Variants in SEZ6L observed in about 807,000 individuals in gnomAD.
SEZ6L encodes the protein seizure related 6 homolog like.
Under a neutral mutation model 106.2 loss-of-function variants are expected in SEZ6L, and 37 were observed. The observed-to-expected ratio is 0.35, with a 90% CI of 0.27 to 0.46. The LOEUF is 0.46. Ranked by LOEUF, SEZ6L falls within the 20% of genes least tolerant of loss-of-function variation. The probability of loss-of-function intolerance (pLI) is 1.00; values close to 1 mark genes in which losing one functional copy is unlikely to be tolerated. For missense variants in SEZ6L, 1,172 were observed against 1,332.8 expected, an observed-to-expected ratio of 0.88 and a Z score of 1.88; for synonymous variants, 541 against 570.4, an observed-to-expected ratio of 0.95 and a Z score of 0.73.
intron 16 of SEZ6L, among the ~76,000 whole-genome samples, chr22:26,379,591 G>A (rs2084347673): frequency 6.6e-6 from 1 of 152,168 alleles, no homozygotes; most frequent in Non-Finnish European, 1.5e-5. Flanking sequence ...CCTTGTCCCT[G>A]GAGCTTGGAA....
Position 26,184,272 on chromosome 22 carries a change from G to A in SEZ6L, c.94+14509G>A, listed in dbSNP as rs191391015. 2.4e-3 allele frequency among the ~76,000 whole-genome samples: 362 copies of A among 152,208 alleles called. 1 individual carries two copies. The highest frequency in any genetic ancestry group is 3.1e-3 in the Non-Finnish European group (209 of 68,014). ...TCCCCCAAGTCAGGCTGTCTTCACT[G>A]GTTCCCTCTACCCCAGTGTCTAGTA... On this transcript the variant is annotated intron_variant, in intron 1 of 16. Coordinates refer to ENST00000248933, the MANE Select transcript of SEZ6L (RefSeq NM_021115.5).
At chr22:26,319,298 C>G (rs1601488155) in intron 9 of SEZ6L, among the ~76,000 whole-genome samples, 1 of 152,222 alleles carries the variant, frequency 6.6e-6, no homozygotes, top group East Asian at 1.9e-4. Flanking sequence ...TTTGAGATAT[C>G]CTTGTTCCCA....
chr22:26,265,347 G>A (rs763959130), intron 1 of SEZ6L, among the ~76,000 whole-genome samples: 6 of 152,196 alleles, frequency 3.9e-5, no homozygotes, highest in East Asian at 1.9e-4. Context: ...CCTCCCGCAC[G>A]CAAGTTCTGA....
At chr22:26,300,289 T>C (rs957342421) in intron 5 of SEZ6L, among the ~76,000 whole-genome samples, 4 of 152,220 alleles carry the variant, frequency 2.6e-5, no homozygotes, top group African/African-American at 9.7e-5. Context: ...TATCTCCTGA[T>C]GCTATCCCTC....
At chr22:26,227,540 T>TG (rs1181299276) in intron 1 of SEZ6L, among the ~76,000 whole-genome samples, 17 of 151,892 alleles carry the variant, frequency 1.1e-4, no homozygotes, top group Non-Finnish European at 2.4e-4. Context: ...TCTGAGTAGC[T>TG]GGGGGGCTAC....
chr22:26,211,804 TAAAAAAAAAAAA>T (rs56124325), intron 1 of SEZ6L, among the ~76,000 whole-genome samples: 2 of 48,090 alleles, frequency 4.2e-5, no homozygotes, highest in Non-Finnish European at 7.4e-5. Flanking sequence ...ACCTCGTCTC[TAAAAAAAAAAAA>T]AAAAAAAAAA....
In SEZ6L at chr22:26,304,253, G is replaced by A. The variant is rs145728609; in HGVS notation, c.1349-1726G>A. On this transcript the variant is annotated intron_variant, in intron 5 of 16. Coordinates refer to ENST00000248933, the MANE Select transcript of SEZ6L (RefSeq NM_021115.5). Reference sequence around the variant, plus strand: ...TGTAATCCCAGCTACTCAGGAGGCTGAGGCAGGAGAATCACTTGAACCTGG... The same window carrying A: ...TGTAATCCCAGCTACTCAGGAGGCTAAGGCAGGAGAATCACTTGAACCTGG... 3.1e-3 allele frequency among the ~76,000 whole-genome samples: 478 copies of A among 152,058 alleles called. 2 individuals are homozygous for A. The highest frequency in any genetic ancestry group is 0.025 in the East Asian group (129 of 5,166).
chr22:26,361,376 G>A (rs1417348952), intron 12 of SEZ6L, among the ~76,000 whole-genome samples: 4 of 149,562 alleles, frequency 2.7e-5, no homozygotes, highest in Admixed American at 6.7e-5. Flanking sequence ...GCTTGGTGGC[G>A]CATGCCTGTG....
intron 1 of SEZ6L, among the ~76,000 whole-genome samples, chr22:26,211,695 T>C (rs1480660597): frequency 6.7e-6 from 1 of 149,356 alleles, no homozygotes; most frequent in Non-Finnish European, 1.5e-5. Flanking sequence ...TGTAGCCAGG[T>C]GTGGTGGCTC....
At position 26,310,783 on chromosome 22, in the gene SEZ6L, A is replaced by G; in HGVS notation, c.1628A>G (p.Glu543Gly). Residue 543 changes from glutamate (E) to glycine (G), a missense_variant, in exon 7 of 17, where the codon GAG (glutamate) becomes GGG (glycine). Physicochemically the swap from Glu to Gly is moderately conservative, Grantham distance 98. Coordinates refer to ENST00000248933, the MANE Select transcript of SEZ6L (RefSeq NM_021115.5). ...AGCGAAGGCAACACCATCCGCATCGAGTTCACGTCCGACCAGGCCCGGGCG... is the reference window on the plus strand; with the variant it reads ...AGCGAAGGCAACACCATCCGCATCGGGTTCACGTCCGACCAGGCCCGGGCG... ...LLSEGNTIRI[E>G]FTSDQARAAS... 6.2e-7 allele frequency: 1 copy of G among 1,614,034 alleles called. No homozygotes were observed. The highest frequency in any genetic ancestry group is 8.5e-7 in the Non-Finnish European group (1 of 1,179,992).
chr22:26,200,386 A>G (rs1940854496), intron 1 of SEZ6L, among the ~76,000 whole-genome samples: 2 of 152,224 alleles, frequency 1.3e-5, no homozygotes, highest in South Asian at 4.2e-4. Flanking sequence ...TGGTTGGTGC[A>G]AGAGACACCG....
At chr22:26,262,031 G>C (rs1402896806) in intron 1 of SEZ6L, among the ~76,000 whole-genome samples, 1 of 151,986 alleles carries the variant, frequency 6.6e-6, no homozygotes, top group Admixed American at 6.6e-5. Context: ...AGCCCTAGTG[G>C]GTCTTGAAAG....
Position 26,293,030 on chromosome 22 carries a change from T to C in SEZ6L, c.719T>C (p.Met240Thr), listed in dbSNP as rs761454567. ...QEAPQEDTSPMALMDKGENEL... is the reference protein window; with the variant it reads ...QEAPQEDTSPTALMDKGENEL... Reference sequence around the variant, plus strand: ...GCCCCCCAGGAGGACACCAGCCCCATGGCCCTGATGGACAAAGGTGAGAAT... The same window carrying C: ...GCCCCCCAGGAGGACACCAGCCCCACGGCCCTGATGGACAAAGGTGAGAAT... The change falls in exon 2 of 17, where the codon ATG becomes ACG. Residue 240 changes from methionine to threonine, a missense_variant. Around this residue, in one of 4 missense-constraint regions of SEZ6L, gnomAD observed 494 missense variants for 445.8 expected, o/e 1.11. Coordinates refer to ENST00000248933, the MANE Select transcript of SEZ6L (RefSeq NM_021115.5). The C allele has an allele frequency of 5.0e-6, 8 of 1,613,950 alleles. No individual in the cohort carries two copies. The highest frequency in any genetic ancestry group is 4.4e-5 in the South Asian group (4 of 91,070).
At chr22:26,343,202 G>T (rs2082899348) in intron 10 of SEZ6L, among the ~76,000 whole-genome samples, 1 of 151,842 alleles carries the variant, frequency 6.6e-6, no homozygotes, top group Non-Finnish European at 1.5e-5. Context: ...TGGTCTCCTG[G>T]CTCCTGTCTC....
intron 16 of SEZ6L, among the ~76,000 whole-genome samples, chr22:26,378,178 A>T (rs2084294507): frequency 6.6e-6 from 1 of 152,232 alleles, no homozygotes. Flanking sequence ...CTAGGAACAT[A>T]GTCATGAACC....
In SEZ6L at chr22:26,294,284, C is replaced by T; in HGVS notation, c.836-8C>T. 6.2e-7 allele frequency: 1 copy of T among 1,613,652 alleles called. No homozygotes were observed. ...CTTTGGTGTCCTAATTAAAGTCCTTCCTTCCAGCTCTCTGCAGTGTGAGCT... is the reference window on the plus strand; with the variant it reads ...CTTTGGTGTCCTAATTAAAGTCCTTTCTTCCAGCTCTCTGCAGTGTGAGCT... On this transcript the variant is annotated splice_polypyrimidine_tract_variant and splice_region_variant and intron_variant, in intron 2 of 16. Coordinates refer to ENST00000248933, the MANE Select transcript of SEZ6L (RefSeq NM_021115.5).
At chr22:26,191,493 C>T (rs1940205401) in intron 1 of SEZ6L, among the ~76,000 whole-genome samples, 1 of 151,538 alleles carries the variant, frequency 6.6e-6, no homozygotes, top group Non-Finnish European at 1.5e-5. Context: ...AAACAGAAAA[C>T]CAAATACTGC....
intron 1 of SEZ6L, chr22:26,244,694 G>A (rs910828318): frequency 6.6e-6 from 1 of 151,758 alleles, no homozygotes; most frequent in East Asian, 2.0e-4. Context: ...CAAAGGCTAT[G>A]TTGAGGGTAG....
chr22:26,344,704 C>T lies in SEZ6L; in HGVS notation c.2213-3015C>T, dbSNP rs947191027. 2.0e-5 allele frequency among the ~76,000 whole-genome samples: 3 copies of T among 152,196 alleles called. No individual in the cohort carries two copies. The East Asian group carries it at 5.8e-4, about 29-fold the overall frequency. On this transcript the variant is annotated intron_variant, in intron 10 of 16. Coordinates refer to ENST00000248933, the MANE Select transcript of SEZ6L (RefSeq NM_021115.5). ...CATTTCTAGAGTCTAATAAGATGCT[C>T]ATAATATCTCAGTCAAACAAACAAA... is the stretch of plus-strand genomic sequence containing the variant.
Sources: gnomAD v4.1 joint callset for allele counts (sites outside exome capture counted in the v4.1 genomes callset) on GRCh38, gnomAD v4.1.1 for gene constraint, gnomAD v4.1.1 regional missense constraint, MANE v1.5 for transcripts, NCBI Gene and HGNC (gene_info 2026-07-23, HGNC 2026-07-21) for gene names.